Variants in CROCC observed in about 807,000 individuals in gnomAD.
CROCC encodes the protein ciliary rootlet coiled-coil, rootletin, also known as rootletin.
Under a neutral mutation model 245.2 loss-of-function variants are expected in CROCC, and 180 were observed. The ratio of observed to expected loss-of-function variants is 0.73; its 90% CI spans 0.65 to 0.83. The LOEUF (loss-of-function observed/expected upper bound fraction) is 0.83, where lower values mean the gene tolerates loss of function less well. Among genes scored for constraint, CROCC ranks in the 40% least tolerant of loss-of-function variants. The probability of loss-of-function intolerance (pLI) is 0.00; values close to 1 mark genes in which losing one functional copy is unlikely to be tolerated. For missense variants in CROCC, 2,688 were observed against 2,779.4 expected (o/e 0.97, Z 0.74); for synonymous variants, 1,205 against 1,241.6 (o/e 0.97, Z 0.62).
In CROCC at chr1:16,930,442, G is replaced by A. The variant is rs766627822; in HGVS notation, c.697G>A (p.Ala233Thr). 4.3e-6 allele frequency: 7 copies of A among 1,611,866 alleles called. No homozygotes were observed. Among genetic ancestry groups the A allele is most frequent in the Admixed American group, 3.3e-5 (2 of 60,024 alleles). ...TGCCCCATTCAGGAGTGCCAGCCTGGCCCAGGTGAATGCCATGCTCCGAGA... is the reference window on the plus strand; with the variant it reads ...TGCCCCATTCAGGAGTGCCAGCCTGACCCAGGTGAATGCCATGCTCCGAGA... Reference protein sequence around the residue: ...EEEQQRSASLAQVNAMLREQL... With the variant: ...EEEQQRSASLTQVNAMLREQL... Residue 233 changes from alanine to threonine, a missense_variant, in exon 7 of 37, where the codon GCC (alanine) becomes ACC (threonine). Physicochemically the swap from Ala to Thr is moderately conservative, Grantham distance 58. Around this residue, in one of 9 missense-constraint regions of CROCC, gnomAD observed 972 missense variants for 895.3 expected, o/e 1.09. Transcript: ENST00000375541.
At chr1:16,925,076 T>C in intron 3 of CROCC, among the ~76,000 whole-genome samples, 1 of 152,254 alleles carries the variant, frequency 6.6e-6, no homozygotes, top group African/African-American at 2.4e-5. Flanking sequence ...GGGAGCTGGG[T>C]GTGAGCCGGT....
At chr1:16,926,756 C>T (rs1050876514) in intron 3 of CROCC, among the ~76,000 whole-genome samples, 6 of 152,272 alleles carry the variant, frequency 3.9e-5, no homozygotes, top group Non-Finnish European at 8.8e-5. Context: ...CTCCAGAGGA[C>T]AGACCCCCTG....
Position 16,959,967 on chromosome 1 carries a change from A to C in CROCC, c.4033-791A>C, listed in dbSNP as rs530058920. 7.2e-5 allele frequency among the ~76,000 whole-genome samples: 11 copies of C among 152,180 alleles called. No homozygotes were observed. The East Asian group carries it at 9.7e-4, about 13-fold the overall frequency. ...GCTATTAAAAACAAAAAACAAAAAA[A>C]AAAACAGAAACAAAAACAGCCGGGC... On this transcript the variant is annotated intron_variant, in intron 26 of 36. Transcript: ENST00000375541.
chr1:16,965,106 C>T (rs182261142), intron 27 of CROCC, among the ~76,000 whole-genome samples: 1 of 152,366 alleles, frequency 6.6e-6, no homozygotes, highest in Admixed American at 6.5e-5. Context: ...TGAGCCACCA[C>T]ACCCAGTCAA....
At position 16,954,643 on chromosome 1, in the gene CROCC, G is replaced by A. The variant is rs528615945; in HGVS notation, c.3322-91G>A. 1.8e-5 allele frequency: 26 copies of A among 1,447,618 alleles called. No individual in the cohort carries two copies. The highest frequency in any genetic ancestry group is 4.3e-5 in the African/African-American group (3 of 70,140). 89.7% of individuals were successfully genotyped at this position (1,447,618 alleles called of 1,614,324 possible). On this transcript the variant is annotated intron_variant, in intron 22 of 36. Coordinates refer to ENST00000375541, the MANE Select transcript of CROCC (RefSeq NM_014675.5). The surrounding 1 kb of genome is among the most constrained non-coding windows in gnomAD (Gnocchi z 4.4). ...GCCAGCGGGAGGGGCCGTGTTTAGA[G>A]CTAAAAGTGGACAGTGCACTGAGCG...
At chr1:16,967,947 G>A (rs941383823) in intron 30 of CROCC, among the ~76,000 whole-genome samples, 17 of 152,162 alleles carry the variant, frequency 1.1e-4, no homozygotes, top group Admixed American at 5.2e-4. Context: ...GCCATAGGGC[G>A]CGAAGGGGCA....
intron 8 of CROCC, among the ~76,000 whole-genome samples, chr1:16,935,308 C>G (rs2075764621): frequency 6.6e-6 from 1 of 152,252 alleles, no homozygotes; most frequent in African/African-American, 2.4e-5. Context: ...TGCATATACG[C>G]CTGGTAAAAT....
chr1:16,919,043 G>A (rs1172281887), upstream of CROCC, among the ~76,000 whole-genome samples: 1 of 152,280 alleles, frequency 6.6e-6, no homozygotes, highest in Non-Finnish European at 1.5e-5. Context: ...CCAGTAGCTG[G>A]TTTAGTTTTG....
At chr1:16,958,314 T>C (rs2076279007) in intron 25 of CROCC, among the ~76,000 whole-genome samples, 3 of 152,222 alleles carry the variant, frequency 2.0e-5, no homozygotes, top group Admixed American at 6.5e-5. Flanking sequence ...ACTCCTGGTC[T>C]GCTAAGGGCT....
Position 16,960,819 on chromosome 1 carries a change from G to A in CROCC, c.4094G>A (p.Arg1365His), listed in dbSNP as rs1314894997. Reference sequence around the variant, plus strand: ...GGCGAGTTCCGGACCCGCGAGCGACGCCTGCTGGGCTCCCTGGAGGAGGCG... The same window carrying A: ...GGCGAGTTCCGGACCCGCGAGCGACACCTGCTGGGCTCCCTGGAGGAGGCG... ...QEGEFRTRERRLLGSLEEARG... is the reference protein window; with the variant it reads ...QEGEFRTRERHLLGSLEEARG... Residue 1365 changes from arginine (R) to histidine (H), a missense_variant, in exon 27 of 37, where the codon CGC becomes CAC. Transcript: ENST00000375541. 9.9e-6 allele frequency: 15 copies of A among 1,518,288 alleles called. No individual in the cohort carries two copies. Among genetic ancestry groups the A allele is most frequent in the African/African-American group, 1.4e-5 (1 of 71,316 alleles). The allele number at this position is 1,518,288 out of a possible 1,614,324, so 94.1% of individuals were successfully genotyped here.
At position 16,955,678 on chromosome 1, in the gene CROCC, A is replaced by C. The variant is rs2076239346; in HGVS notation, c.3704+128A>C. ...CTCTGTCTCCTAAGCAGAGCCTGGCACCTGGGTGATTTTAGGAAGGTTTCC... is the reference window on the plus strand; with the variant it reads ...CTCTGTCTCCTAAGCAGAGCCTGGCCCCTGGGTGATTTTAGGAAGGTTTCC... On this transcript the variant is annotated intron_variant, in intron 24 of 36. Transcript: ENST00000375541. 1.2e-5 allele frequency: 11 copies of C among 911,148 alleles called. 1 individual carries two copies. The South Asian group carries it at 2.0e-4, about 16-fold the overall frequency. The allele number at this position is 911,148 out of a possible 1,614,324, so 56.4% of individuals were successfully genotyped here. A position where few individuals can be genotyped will look rare whatever the true frequency, so the allele number is the denominator to read the frequency against.
intron 11 of CROCC, 123 bp from the exon 12 acceptor site, chr1:16,938,786 G>T: frequency 1.0e-6 from 1 of 996,870 alleles, no homozygotes; most frequent in Non-Finnish European, 1.5e-6. Flanking sequence ...AATCAGGAAG[G>T]CTTCTTGTAA....
Position 16,966,493 on chromosome 1 carries a change from G to A in CROCC, c.4782G>A (p.Glu1594=). ...AGAGTGTGCGGCGCAGTGAGCGGGA[G>A]CGCCGGGCCACGCTGGACCAGGTGG... ...QEESVRRSER[E]RRATLDQVAT... The change falls in exon 30 of 37, where the codon GAG becomes GAA. Residue 1594 remains glutamate (E), a synonymous_variant. Coordinates refer to ENST00000375541, the MANE Select transcript of CROCC (RefSeq NM_014675.5). This position sits in a 1 kb window ranked among gnomAD's most constrained non-coding sequence, Gnocchi z 4.8. 1 of 1,533,340 alleles carries A rather than the reference G, an allele frequency of 6.5e-7. No homozygotes were observed. Among genetic ancestry groups the A allele is most frequent in the Non-Finnish European group, 8.7e-7 (1 of 1,144,788 alleles). The allele number at this position is 1,533,340 out of a possible 1,614,324, so 95.0% of individuals were successfully genotyped here. A position where few individuals can be genotyped will look rare whatever the true frequency, so the allele number is the denominator to read the frequency against.
At position 16,922,041 on chromosome 1, in the gene CROCC, C is replaced by T. The variant is rs1380451352; in HGVS notation, c.23C>T (p.Ala8Val). ...CCCATGAGCTTGGGGCTGGCGGGGG[C>T]ACAGGAGGTGGAGCTGACACTAGAG... MSLGLAG[A>V]QEVELTLETV... The change falls in exon 1 of 37, where the codon GCA becomes GTA. Residue 8 changes from alanine (A) to valine (V), a missense_variant. Around this residue, in one of 9 missense-constraint regions of CROCC, gnomAD observed 972 missense variants for 895.3 expected, o/e 1.09. Coordinates refer to ENST00000375541, the MANE Select transcript of CROCC (RefSeq NM_014675.5). The T allele has an allele frequency of 1.9e-6, 3 of 1,550,334 alleles. No homozygotes were observed. The highest frequency in any genetic ancestry group is 8.7e-7 in the Non-Finnish European group (1 of 1,146,630).
chr1:16,939,067 C>A lies in CROCC; in HGVS notation c.1533C>A (p.Pro511=). 1 of 1,585,756 alleles carries A rather than the reference C, an allele frequency of 6.3e-7. No homozygotes were observed. The highest frequency in any genetic ancestry group is 1.1e-5 in the South Asian group (1 of 87,388). ...PGRGRSPRRG[P]SPACSDSSTL... Reference sequence around the variant, plus strand: ...GAGGCCGTTCACCCCGCCGAGGCCCCTCCCCGGCCTGCTCAGACTCCTCCA... The same window carrying A: ...GAGGCCGTTCACCCCGCCGAGGCCCATCCCCGGCCTGCTCAGACTCCTCCA... The change falls in exon 12 of 37, where the codon CCC becomes CCA. Residue 511 remains proline, a synonymous_variant. Coordinates refer to ENST00000375541, the MANE Select transcript of CROCC (RefSeq NM_014675.5).
chr1:16,958,861 T>A (rs1370999710), intron 26 of CROCC, 111 bp downstream of exon 26: 3 of 1,222,688 alleles, frequency 2.5e-6, no homozygotes, highest in Admixed American at 5.3e-5. Flanking sequence ...GGCTTGCTCC[T>A]TCCCCCACTC....
rs1213718942 is a variant in CROCC at position 16,972,554 on chromosome 1, G to A, written c.*108G>A. 2 of 714,296 alleles carry A rather than the reference G, an allele frequency of 2.8e-6. No individual in the cohort carries two copies. Among genetic ancestry groups the A allele is most frequent in the Non-Finnish European group, 4.5e-6 (2 of 443,706 alleles). The allele number at this position is 714,296 out of a possible 1,614,324, so 44.2% of individuals were successfully genotyped here. A position where few individuals can be genotyped will look rare whatever the true frequency, so the allele number is the denominator to read the frequency against. On this transcript the variant is annotated 3_prime_UTR_variant, in exon 37 of 37. Coordinates refer to ENST00000375541, the MANE Select transcript of CROCC (RefSeq NM_014675.5). ...CGGTCCCTTGGGGGCCTCAAGCTGG[G>A]GTGGGATGAGGAGGCGCTCTGCTGG...
chr1:16,972,408 G>T lies in CROCC; in HGVS notation c.6016G>T (p.Ala2006Ser). ...QLQQELRRSS[A>S]PFSPPSGPPE... ...GCAGCAGGAGCTTCGAAGGAGCTCA[G>T]CACCCTTCTCCCCACCCTCCGGCCC... The change falls in exon 37 of 37, where the codon GCA becomes TCA. Residue 2006 changes from alanine (A) to serine (S), a missense_variant. Ala to Ser is a moderately conservative substitution (Grantham distance 99). Coordinates refer to ENST00000375541, the MANE Select transcript of CROCC (RefSeq NM_014675.5). The T allele has an allele frequency of 6.2e-7, 1 of 1,613,750 alleles. No homozygotes were observed. Among genetic ancestry groups the T allele is most frequent in the African/African-American group, 1.3e-5 (1 of 75,012 alleles).
chr1:16,964,345 C>A (rs1387407831), intron 27 of CROCC, among the ~76,000 whole-genome samples: 1 of 150,854 alleles, frequency 6.6e-6, no homozygotes, highest in Non-Finnish European at 1.5e-5. Context: ...CTTTTCCTTT[C>A]TTTTCCTTCC....
Sources: allele counts gnomAD v4.1 joint callset (sites outside exome capture counted in the v4.1 genomes callset), GRCh38; gene constraint gnomAD v4.1.1; regional missense constraint gnomAD v4.1.1; non-coding constraint Gnocchi (gnomAD v3.1); transcripts MANE v1.5; gene names NCBI Gene and HGNC (gene_info 2026-07-23, HGNC 2026-07-21).